The following SAMHD1 variants were observed in gnomAD, a reference collection of about 807,000 sequenced individuals.
SAMHD1 encodes SAM and HD domain containing deoxynucleoside triphosphate triphosphohydrolase 1, also known as deoxynucleoside triphosphate triphosphohydrolase SAMHD1.
SAMHD1 carries 54 observed loss-of-function variants against 79.6 expected under a neutral mutation model. The observed-to-expected ratio is 0.68, with a 90% CI of 0.55 to 0.85. SAMHD1 has a LOEUF of 0.85. Ranked by LOEUF, SAMHD1 falls within the 40% of genes least tolerant of loss-of-function variation. The pLI is 0.00. For missense variants in SAMHD1, 663 were observed against 782.7 expected (o/e 0.85, Z 1.82); for synonymous variants, 260 against 264.1 (o/e 0.98, Z 0.15).
intron 2 of SAMHD1, among the ~76,000 whole-genome samples, chr20:36,945,565 G>C (rs1271061233): frequency 6.6e-6 from 1 of 152,142 alleles, no homozygotes; most frequent in Non-Finnish European, 1.5e-5. Context: ...ACTTGATGAA[G>C]ATTTGTCTGC....
chr20:36,909,035 C>T (rs1398601883), intron 11 of SAMHD1, among the ~76,000 whole-genome samples: 1 of 152,104 alleles, frequency 6.6e-6, no homozygotes, highest in Non-Finnish European at 1.5e-5. Flanking sequence ...GATCTCTGCT[C>T]ACCGCAACCT....
intron 9 of SAMHD1, among the ~76,000 whole-genome samples, chr20:36,912,905 T>TG (rs1223622511): frequency 2.9e-5 from 4 of 138,910 alleles, no homozygotes; most frequent in Non-Finnish European, 6.2e-5. Context: ...TTTTTTTTTT[T>TG]TTTTTTTTTT....
intron 9 of SAMHD1, among the ~76,000 whole-genome samples, chr20:36,914,941 G>A (rs776894328): frequency 6.6e-6 from 1 of 151,962 alleles, no homozygotes; most frequent in Admixed American, 6.6e-5. Flanking sequence ...GAGCTGGGAA[G>A]GTGGAGGTTG....
chr20:36,919,239 G>T (rs1342922410), intron 7 of SAMHD1, 125 bp downstream of exon 7: 2 of 877,178 alleles, frequency 2.3e-6, no homozygotes, highest in Non-Finnish European at 3.6e-6. Flanking sequence ...TTAAACAGTA[G>T]AAACATAGAA....
intron 2 of SAMHD1, among the ~76,000 whole-genome samples, chr20:36,944,075 C>A (rs1203040057): frequency 3.7e-5 from 1 of 27,030 alleles, no homozygotes; most frequent in Non-Finnish European, 6.3e-5. Context: ...AAGACTCCAT[C>A]TCAAAAAAAA....
In SAMHD1 at chr20:36,951,599, G is replaced by C; in HGVS notation, c.45C>G (p.Cys15Trp). 1 of 1,614,160 alleles carries C rather than the reference G, an allele frequency of 6.2e-7. No homozygotes were observed. The highest frequency in any genetic ancestry group is 8.5e-7 in the Non-Finnish European group (1 of 1,180,002). Residue 15 changes from cysteine (C) to tryptophan (W), a missense_variant, in exon 1 of 16, where the codon TGC (cysteine) becomes TGG (tryptophan). Physicochemically the swap from Cys to Trp is radical, Grantham distance 215 (BLOSUM62 -2). Transcript: ENST00000646673. ...DSEQPSKRPR[C>W]DDSPRTPSNT... ...TTGAGGGGGTTCTCGGGCTGTCATCGCAACGGGGACGCTTGGAGGGCTGCT... is the reference window on the plus strand; with the variant it reads ...TTGAGGGGGTTCTCGGGCTGTCATCCCAACGGGGACGCTTGGAGGGCTGCT...
At chr20:36,906,352 C>T (rs1232406570) in intron 11 of SAMHD1, among the ~76,000 whole-genome samples, 1 of 152,190 alleles carries the variant, frequency 6.6e-6, no homozygotes, top group Non-Finnish European at 1.5e-5. Flanking sequence ...GCAGGAGAAT[C>T]GCTTGAACCC....
intron 3 of SAMHD1, 178 bp from the exon 4 acceptor site, chr20:36,935,367 A>G: frequency 1.6e-6 from 1 of 607,530 alleles, no homozygotes; most frequent in Admixed American, 2.8e-5. Context: ...TACCAGACAG[A>G]TCAAGTATAT....
intron 15 of SAMHD1, chr20:36,893,874 T>TC: frequency 2.5e-6 from 1 of 398,618 alleles, no homozygotes; most frequent in East Asian, 3.6e-5. Flanking sequence ...ATTTCTCAGC[T>TC]CCCATGCCTG....
intron 6 of SAMHD1, among the ~76,000 whole-genome samples, chr20:36,920,755 C>T (rs2063499325): frequency 8.4e-6 from 1 of 118,432 alleles, no homozygotes; most frequent in Non-Finnish European, 1.7e-5. Context: ...CAAAGTGACA[C>T]TCTGTTTCAA....
intron 6 of SAMHD1, among the ~76,000 whole-genome samples, chr20:36,924,049 G>A (rs909150716): frequency 2.0e-5 from 3 of 152,078 alleles, no homozygotes; most frequent in Non-Finnish European, 4.4e-5. Flanking sequence ...CGGGAGTTGA[G>A]ACCAGTCTGG....
At chr20:36,904,056 T>C (rs2063391610) in intron 13 of SAMHD1, 101 bp downstream of exon 13, 1 of 646,130 alleles carries the variant, frequency 1.5e-6, no homozygotes, top group African/African-American at 2.2e-5. Flanking sequence ...TCTTTCTGTA[T>C]TTTTCTAATT....
At chr20:36,912,901 T>G (rs974368031) in intron 9 of SAMHD1, among the ~76,000 whole-genome samples, 7 of 133,002 alleles carry the variant, frequency 5.3e-5, no homozygotes, top group Non-Finnish European at 7.8e-5. Context: ...TTTTTTTTTT[T>G]TTTTTTTTTT....
At chr20:36,905,302 G>C in intron 12 of SAMHD1, 62 bp downstream of exon 12, 1 of 1,533,464 alleles carries the variant, frequency 6.5e-7, no homozygotes. Flanking sequence ...CGATAGGTTA[G>C]TGGTCTCCTC....
At chr20:36,935,301 A>G (rs992310555) in intron 3 of SAMHD1, 112 bp from the exon 4 acceptor site, 2 of 845,728 alleles carry the variant, frequency 2.4e-6, no homozygotes, top group African/African-American at 3.4e-5. Context: ...TTTTTCAAGT[A>G]AAAATACTAA....
chr20:36,915,512 G>C (rs1480741785), intron 9 of SAMHD1, among the ~76,000 whole-genome samples: 1 of 151,356 alleles, frequency 6.6e-6, no homozygotes, highest in Non-Finnish European at 1.5e-5. Context: ...TGAAGCGGGT[G>C]GATCACTTGA....
chr20:36,921,985 G>A (rs895747042), intron 6 of SAMHD1, among the ~76,000 whole-genome samples: 4 of 152,092 alleles, frequency 2.6e-5, no homozygotes, highest in Non-Finnish European at 5.9e-5. Flanking sequence ...CACTGCGTCC[G>A]ATCTGGACAC....
At chr20:36,903,981 C>A in intron 13 of SAMHD1, 176 bp downstream of exon 13, 1 of 582,272 alleles carries the variant, frequency 1.7e-6, no homozygotes. Flanking sequence ...AAAATAATGG[C>A]AAAACATCAT....
In SAMHD1 at chr20:36,927,381, A is replaced by G. The variant is rs1167799309; in HGVS notation, c.626-129T>C. On this transcript the variant is annotated intron_variant, in intron 5 of 15. Coordinates refer to ENST00000646673, the MANE Select transcript of SAMHD1 (RefSeq NM_015474.4). ...TGCCCAGGCTGGAGTGTAGTGGTACAATCTTGGCTCAACACAATCTCCGCC... is the reference window on the plus strand; with the variant it reads ...TGCCCAGGCTGGAGTGTAGTGGTACGATCTTGGCTCAACACAATCTCCGCC... 6.7e-6 allele frequency: 5 copies of G among 750,380 alleles called. No homozygotes were observed. The Admixed American group carries it at 9.4e-5, about 14-fold the overall frequency. The allele number at this position is 750,380 out of a possible 1,614,324, so 46.5% of individuals were successfully genotyped here.
Sources: allele counts gnomAD v4.1 joint callset (sites outside exome capture counted in the v4.1 genomes callset), GRCh38; gene constraint gnomAD v4.1.1; transcripts MANE v1.5; gene names NCBI Gene and HGNC (gene_info 2026-07-23, HGNC 2026-07-21).